TTC4: variants seen among roughly 807,000 people sequenced by gnomAD.
TTC4 encodes the protein tetratricopeptide repeat domain 4.
TTC4 carries 36 observed loss-of-function variants against 51.9 expected under a neutral mutation model. That is an observed-to-expected ratio of 0.69 (90% confidence interval 0.53 to 0.92). The LOEUF is 0.92. Among genes scored for constraint, TTC4 ranks in the 40% least tolerant of loss-of-function variants. The pLI is 0.00. For missense variants in TTC4, 399 were observed against 454.6 expected, an observed-to-expected ratio of 0.88 and a Z score of 1.11; for synonymous variants, 144 against 164.2, an observed-to-expected ratio of 0.88 and a Z score of 0.94.
At chr1:54,739,042 T>C (rs1004729643) in intron 9 of TTC4, among the ~76,000 whole-genome samples, 1 of 151,878 alleles carries the variant, frequency 6.6e-6, no homozygotes, top group Non-Finnish European at 1.5e-5. Context: ...TTTGAATTTT[T>C]TTTTTTTTAA....
chr1:54,721,260 A>C lies in TTC4; in HGVS notation c.469+20A>C. 6.2e-7 allele frequency: 1 copy of C among 1,610,656 alleles called. No homozygotes were observed. The highest frequency in any genetic ancestry group is 8.5e-7 in the Non-Finnish European group (1 of 1,177,444). ...TAAGAGGTAAGTCTTGTGGAACTAC[A>C]GTATGACATTTAAAGCTTTGATATG... On this transcript the variant is annotated intron_variant, in intron 4 of 9. Transcript: ENST00000371281.
At chr1:54,731,360 T>A (rs1049393060) in intron 6 of TTC4, 126 bp from the exon 7 acceptor site, 7 of 846,366 alleles carry the variant, frequency 8.3e-6, no homozygotes, top group Non-Finnish European at 1.2e-5. Context: ...CTTCAAAAAA[T>A]AAAAATAAAT....
At chr1:54,739,433 G>C (rs1645986110) in intron 9 of TTC4, among the ~76,000 whole-genome samples, 2 of 152,236 alleles carry the variant, frequency 1.3e-5, no homozygotes, top group Admixed American at 1.3e-4. Flanking sequence ...TGGAATGGGA[G>C]TAATACATGC....
chr1:54,721,837 T>C (rs899757806), intron 4 of TTC4, among the ~76,000 whole-genome samples: 3 of 152,240 alleles, frequency 2.0e-5, no homozygotes, highest in Admixed American at 6.5e-5. Flanking sequence ...GGAAGATCCA[T>C]GTCCCTCAGC....
chr1:54,735,516 C>T (rs187312972), intron 8 of TTC4, among the ~76,000 whole-genome samples: 37 of 152,236 alleles, frequency 2.4e-4, no homozygotes, highest in Admixed American at 1.9e-3. Context: ...CCACCATGCC[C>T]GGCCTGGATT....
chr1:54,731,311 T>A (rs1411592876), intron 6 of TTC4, among the ~76,000 whole-genome samples, 175 bp from the exon 7 acceptor site: 7 of 152,108 alleles, frequency 4.6e-5, no homozygotes, highest in Admixed American at 3.9e-4. Flanking sequence ...AAAAATAAAG[T>A]TAGTCGTGCA....
Position 54,717,546 on chromosome 1 carries a change from A to T in TTC4, c.284A>T (p.Tyr95Phe), listed in dbSNP as rs1338968219. 1 of 1,610,920 alleles carries T rather than the reference A, an allele frequency of 6.2e-7. No homozygotes were observed. The change falls in exon 3 of 10, where the codon TAC becomes TTC. Residue 95 changes from tyrosine to phenylalanine, a missense_variant. Tyr to Phe is a conservative substitution (Grantham distance 22). This residue lies in a region of TTC4 where 316 missense variants were observed against 349.6 expected (regional missense o/e 0.90). Coordinates refer to ENST00000371281, the MANE Select transcript of TTC4 (RefSeq NM_004623.5). ...AATGATTACTTTAAAGAAAAAGACT[A>T]CAAGAAAGCTGTAATTTCATACACT... The part of the protein sequence containing the change: ...EGNDYFKEKD[Y>F]KKAVISYTEG...
In TTC4 at chr1:54,741,712, G is replaced by GTTGA; in HGVS notation, c.*201_*204dup. ...CTCTGGCTGGTCTTCACTTTCCTCAGTTGATATAAAACTCTGGGTCTTGGC... is the reference window on the plus strand; with the variant it reads ...CTCTGGCTGGTCTTCACTTTCCTCAGTTGATTGATATAAAACTCTGGGTCTTGGC... On this transcript the variant is annotated 3_prime_UTR_variant, in exon 10 of 10. Transcript: ENST00000371281. The GTTGA allele has an allele frequency of 1.7e-6, 1 of 594,636 alleles. No individual in the cohort carries two copies. Among genetic ancestry groups the GTTGA allele is most frequent in the Non-Finnish European group, 3.0e-6 (1 of 335,780 alleles). 36.8% of individuals were successfully genotyped at this position (594,636 alleles called of 1,614,324 possible).
chr1:54,722,183 G>A (rs1570037803), intron 4 of TTC4, among the ~76,000 whole-genome samples: 1 of 149,138 alleles, frequency 6.7e-6, no homozygotes, highest in African/African-American at 2.5e-5. Flanking sequence ...TAGCCATAAA[G>A]AACAAAATTA....
intron 6 of TTC4, among the ~76,000 whole-genome samples, chr1:54,730,970 G>C (rs1026084644): frequency 6.6e-6 from 1 of 151,972 alleles, no homozygotes; most frequent in Non-Finnish European, 1.5e-5. Context: ...TTATTCCATC[G>C]TCTATGGTAC....
At chr1:54,732,939 T>C (rs1645885505) in intron 7 of TTC4, among the ~76,000 whole-genome samples, 1 of 150,788 alleles carries the variant, frequency 6.6e-6, no homozygotes, top group African/African-American at 2.4e-5. Context: ...TATAAAAAAT[T>C]AGCCGGGCAT....
At chr1:54,737,974 C>A (rs965170696) in intron 9 of TTC4, among the ~76,000 whole-genome samples, 12 of 150,662 alleles carry the variant, frequency 8.0e-5, no homozygotes, top group Admixed American at 2.0e-4. Context: ...GATCTCGGCT[C>A]ACTGCAACCT....
rs1221249551 is a variant in TTC4 at position 54,721,251 on chromosome 1, T to C, written c.469+11T>C. Reference sequence around the variant, plus strand: ...AAGCAATAATAAGAGGTAAGTCTTGTGGAACTACAGTATGACATTTAAAGC... The same window carrying C: ...AAGCAATAATAAGAGGTAAGTCTTGCGGAACTACAGTATGACATTTAAAGC... On this transcript the variant is annotated intron_variant, in intron 4 of 9. Transcript: ENST00000371281. 2 of 1,612,378 alleles carry C rather than the reference T, an allele frequency of 1.2e-6. No individual in the cohort carries two copies. The highest frequency in any genetic ancestry group is 1.7e-5 in the Admixed American group (1 of 59,972).
Position 54,721,203 on chromosome 1 carries a change from A to G in TTC4, c.432A>G (p.Arg144=). 3.1e-6 allele frequency: 5 copies of G among 1,613,580 alleles called. No individual in the cohort carries two copies. The highest frequency in any genetic ancestry group is 4.2e-6 in the Non-Finnish European group (5 of 1,179,588). The part of the protein sequence containing the change: ...RSALNDVTAA[R]KLKPCHLKAI... Reference sequence around the variant, plus strand: ...CTCTCAATGATGTGACAGCTGCCAGAAAGCTAAAACCCTGCCACCTCAAAG... The same window carrying G: ...CTCTCAATGATGTGACAGCTGCCAGGAAGCTAAAACCCTGCCACCTCAAAG... The change falls in exon 4 of 10, where the codon AGA becomes AGG. Residue 144 remains arginine (R), a synonymous_variant. Transcript: ENST00000371281.
rs749677336 is a variant in TTC4, at chr1:54,737,645, C to T, written c.1042C>T (p.Gln348Ter). The change falls in exon 9 of 10, where the codon CAG (glutamine) becomes TAG (stop). Residue 348 changes from glutamine (Q) to a stop codon, truncating the protein, a stop_gained. Transcript: ENST00000371281. LOFTEE classifies it high-confidence loss of function. The stretch of plus-strand genomic sequence containing the variant: ...GGTGCCTGCCAAGAGCACCTTGCTA[C>T]AGGTTCTACAGCACCAGAGGTGAGT... Reference protein sequence around the residue: ...YRVPAKSTLLQVLQHQRYFVK... With the variant: ...YRVPAKSTLL The T allele has an allele frequency of 5.0e-6, 8 of 1,612,730 alleles. No homozygotes were observed. The highest frequency in any genetic ancestry group is 6.8e-6 in the Non-Finnish European group (8 of 1,180,002).
At chr1:54,741,275 C>T in intron 9 of TTC4, 136 bp from the exon 10 acceptor site, 1 of 808,752 alleles carries the variant, frequency 1.2e-6, no homozygotes, top group Non-Finnish European at 2.2e-6. Context: ...TTATGAACAA[C>T]CACATAACTG....
Position 54,721,170 on chromosome 1 carries a change from T to C in TTC4, c.399T>C (p.Phe133=). 6.2e-7 allele frequency: 1 copy of C among 1,613,392 alleles called. No individual in the cohort carries two copies. The highest frequency in any genetic ancestry group is 8.5e-7 in the Non-Finnish European group (1 of 1,179,506). The change falls in exon 4 of 10, where the codon TTT becomes TTC. Residue 133 remains phenylalanine (F), a synonymous_variant. Transcript: ENST00000371281. ...RAAAQYYLGN[F]RSALNDVTAA... is the part of the protein sequence containing the mutation. ...TAAACGGTGTTTTGTTAGGCAATTT[T>C]CGTTCTGCTCTCAATGATGTGACAG... is the stretch of plus-strand genomic sequence containing the variant.
At chr1:54,721,267 C>T (rs755440606) in intron 4 of TTC4, 27 bp downstream of exon 4, 1 of 1,607,338 alleles carries the variant, frequency 6.2e-7, no homozygotes, top group East Asian at 2.2e-5. Flanking sequence ...TACAGTATGA[C>T]ATTTAAAGCT....
chr1:54,737,298 T>C, intron 8 of TTC4: 1 of 337,730 alleles, frequency 3.0e-6, no homozygotes, highest in Non-Finnish European at 5.5e-6. Flanking sequence ...TACATAGGCC[T>C]GGCCTTGAGT....
Sources: gnomAD v4.1 joint callset for allele counts (sites outside exome capture counted in the v4.1 genomes callset) on GRCh38, gnomAD v4.1.1 for gene constraint, gnomAD v4.1.1 regional missense constraint, MANE v1.5 for transcripts, NCBI Gene and HGNC (gene_info 2026-07-23, HGNC 2026-07-21) for gene names.